YAF2: variants seen among roughly 807,000 people sequenced by gnomAD.
The protein encoded by YAF2 is YY1-associated factor 2.
A neutral mutation model predicts 20.1 loss-of-function variants in YAF2; 7 were observed. The ratio of observed to expected loss-of-function variants is 0.35; its 90% CI spans 0.20 to 0.65. The LOEUF (loss-of-function observed/expected upper bound fraction) is 0.65. YAF2 is among the 30% of genes least tolerant of loss of function. YAF2 has a pLI of 0.69. For missense variants in YAF2, 151 were observed against 219.2 expected, an observed-to-expected ratio of 0.69 and a Z score of 1.96; for synonymous variants, 74 against 76.0, an observed-to-expected ratio of 0.97 and a Z score of 0.14.
chr12:42,205,381 T>TA (rs2067012673), intron 2 of YAF2, among the ~76,000 whole-genome samples: 1 of 150,506 alleles, frequency 6.6e-6, no homozygotes. Flanking sequence ...TTCTTCTCTT[T>TA]TTTTTTTTTT....
chr12:42,218,871 A>G (rs1332647271), intron 2 of YAF2, among the ~76,000 whole-genome samples: 3 of 152,094 alleles, frequency 2.0e-5, no homozygotes, highest in African/African-American at 4.8e-5. Flanking sequence ...AGTGGGGGGA[A>G]AAAAGGAAAG....
At chr12:42,231,106 T>C (rs761587079) in intron 2 of YAF2, 1 of 152,116 alleles carries the variant, frequency 6.6e-6, no homozygotes, top group Non-Finnish European at 1.5e-5. Flanking sequence ...AATTTAAGAG[T>C]TTTTGTTTTT....
chr12:42,189,131 GAGA>G (rs2066548291), intron 2 of YAF2, among the ~76,000 whole-genome samples: 1 of 152,174 alleles, frequency 6.6e-6, no homozygotes, highest in South Asian at 2.1e-4. Context: ...TTAAGGTAGA[GAGA>G]GCACTATGAG....
intron 2 of YAF2, chr12:42,235,125 T>C (rs2068107132): frequency 1.0e-6 from 1 of 986,194 alleles, no homozygotes; most frequent in Non-Finnish European, 1.2e-6. Flanking sequence ...TGAGGCAGAA[T>C]CAGTTCAAAG....
intron 2 of YAF2, among the ~76,000 whole-genome samples, chr12:42,187,915 G>A (rs1219372385): frequency 6.6e-6 from 1 of 152,128 alleles, no homozygotes; most frequent in Non-Finnish European, 1.5e-5. Context: ...CACTCTGGGG[G>A]AAGCCAGCTC....
chr12:42,226,919 G>A (rs1248780494), intron 2 of YAF2, among the ~76,000 whole-genome samples: 3 of 150,132 alleles, frequency 2.0e-5, no homozygotes, highest in Admixed American at 1.3e-4. Flanking sequence ...TAGGGAGCCC[G>A]TCCGGCCATG....
At chr12:42,212,039 A>G (rs1234886166) in intron 2 of YAF2, among the ~76,000 whole-genome samples, 3 of 152,176 alleles carry the variant, frequency 2.0e-5, no homozygotes, top group Non-Finnish European at 4.4e-5. Context: ...CATCTCAAAA[A>G]AAAAAAAGTC....
At chr12:42,212,816 A>G (rs1023726874) in intron 2 of YAF2, among the ~76,000 whole-genome samples, 7 of 152,220 alleles carry the variant, frequency 4.6e-5, no homozygotes, top group African/African-American at 1.7e-4. Flanking sequence ...GTATAACAGT[A>G]ATAAATCCAT....
At chr12:42,202,777 T>C (rs1396188357) in intron 2 of YAF2, among the ~76,000 whole-genome samples, 1 of 152,180 alleles carries the variant, frequency 6.6e-6, no homozygotes, top group Non-Finnish European at 1.5e-5. Flanking sequence ...TAGCTGGGAT[T>C]ACAGGCACAT....
chr12:42,210,266 C>A lies in YAF2; in HGVS notation c.152+27333G>T, dbSNP rs184357585. ...AAAAAGAAGCTATCCCAAGTAACTT[C>A]CTTTCTTTTCAATTAAACAAACTCC... On this transcript the variant is annotated intron_variant, in intron 2 of 3. Coordinates refer to ENST00000534854, the MANE Select transcript of YAF2 (RefSeq NM_005748.6). The A allele has an allele frequency of 3.4e-3, 2,444 of 714,626 alleles. 6 individuals carry two copies. The highest frequency in any genetic ancestry group is 4.4e-3 in the Non-Finnish European group (2,000 of 459,322). 44.3% of individuals were successfully genotyped at this position (714,626 alleles called of 1,614,324 possible). A position where few individuals can be genotyped will look rare whatever the true frequency, so the allele number is the denominator to read the frequency against.
intron 2 of YAF2, among the ~76,000 whole-genome samples, chr12:42,185,664 G>C (rs1281299414): frequency 6.6e-6 from 1 of 152,172 alleles, no homozygotes; most frequent in African/African-American, 2.4e-5. Flanking sequence ...ATTACAACTA[G>C]CTGAAAGCTC....
intron 2 of YAF2, among the ~76,000 whole-genome samples, chr12:42,183,098 T>C (rs1380061970): frequency 6.6e-6 from 1 of 152,214 alleles, no homozygotes; most frequent in African/African-American, 2.4e-5. Context: ...GTTACTGCTG[T>C]CATTGTTTTG....
intron 3 of YAF2, 191 bp downstream of exon 3, chr12:42,161,422 A>T: frequency 4.0e-6 from 2 of 503,954 alleles, no homozygotes; most frequent in South Asian, 4.9e-5. Flanking sequence ...CATCACATTT[A>T]AGCTTGTATT....
At chr12:42,206,297 T>TAA (rs33934066) in intron 2 of YAF2, among the ~76,000 whole-genome samples, 2 of 130,962 alleles carry the variant, frequency 1.5e-5, no homozygotes, top group East Asian at 2.2e-4. Flanking sequence ...TGCTCTTAGT[T>TAA]AAAAAAAAAA....
At chr12:42,179,234 C>CCA (rs1330903608) in intron 2 of YAF2, among the ~76,000 whole-genome samples, 2 of 152,186 alleles carry the variant, frequency 1.3e-5, no homozygotes, top group African/African-American at 4.8e-5. Context: ...CTCTGGGAGG[C>CCA]CACAGTGGCT....
chr12:42,165,688 G>A (rs1800589835), intron 2 of YAF2, among the ~76,000 whole-genome samples: 1 of 150,024 alleles, frequency 6.7e-6, no homozygotes, highest in African/African-American at 2.5e-5. Flanking sequence ...AGCTAGGATG[G>A]TCTCGATCTC....
intron 2 of YAF2, among the ~76,000 whole-genome samples, chr12:42,206,623 A>G (rs2067050888): frequency 6.6e-6 from 1 of 151,816 alleles, no homozygotes; most frequent in Non-Finnish European, 1.5e-5. Flanking sequence ...AAAAAAAAAA[A>G]GTAACTGAAA....
At chr12:42,226,419 T>C (rs528341505) in intron 2 of YAF2, among the ~76,000 whole-genome samples, 1 of 152,282 alleles carries the variant, frequency 6.6e-6, no homozygotes, top group South Asian at 2.1e-4. Context: ...TCCCAACATT[T>C]TGGAGGCCAA....
At chr12:42,186,596 G>A (rs1394225484) in intron 2 of YAF2, among the ~76,000 whole-genome samples, 3 of 151,902 alleles carry the variant, frequency 2.0e-5, no homozygotes, top group South Asian at 4.2e-4. Context: ...AGAATCGCTC[G>A]AACCCAGGAG....
Sources: allele counts gnomAD v4.1 joint callset (sites outside exome capture counted in the v4.1 genomes callset), GRCh38; gene constraint gnomAD v4.1.1; transcripts MANE v1.5; gene names NCBI Gene and HGNC (gene_info 2026-07-23, HGNC 2026-07-21).